LMO1: variants seen among roughly 807,000 people sequenced by gnomAD.
LMO1 encodes rhombotin-1.
LMO1 carries 10 observed loss-of-function variants against 18.0 expected under a neutral mutation model. The observed-to-expected ratio is 0.55, with a 90% CI of 0.34 to 0.94. The LOEUF is 0.94. LMO1 is among the 40% of genes least tolerant of loss of function. LMO1 has a pLI of 0.02. For missense variants in LMO1, 183 were observed against 205.7 expected (o/e 0.89, Z 0.68); for synonymous variants, 77 against 77.9 (o/e 0.99, Z 0.06).
intron 1 of LMO1, among the ~76,000 whole-genome samples, chr11:8,253,059 G>A (rs1160693993): frequency 1.3e-5 from 2 of 152,224 alleles, no homozygotes; most frequent in Non-Finnish European, 2.9e-5. Context: ...CTTCCTCCTA[G>A]AGCACAGGCC....
intron 1 of LMO1, among the ~76,000 whole-genome samples, chr11:8,242,450 A>G (rs539557145): frequency 6.6e-6 from 1 of 152,278 alleles, no homozygotes; most frequent in Admixed American, 6.5e-5. Context: ...CTTCCCTGTC[A>G]GCATAGTCTG....
chr11:8,240,817 G>A (rs413463), intron 1 of LMO1, among the ~76,000 whole-genome samples: 1 of 152,152 alleles, frequency 6.6e-6, no homozygotes, highest in Non-Finnish European at 1.5e-5. Context: ...TCAGATCATA[G>A]AGAGCTTGCA....
intron 1 of LMO1, among the ~76,000 whole-genome samples, chr11:8,240,636 C>T (rs755219414): frequency 5.9e-5 from 9 of 151,896 alleles, no homozygotes; most frequent in African/African-American, 1.7e-4. Context: ...TGCATCCTCA[C>T]GTGGCAGAAG....
intron 1 of LMO1, among the ~76,000 whole-genome samples, chr11:8,255,350 T>C (rs934943149): frequency 7.2e-5 from 11 of 152,020 alleles, no homozygotes; most frequent in African/African-American, 1.9e-4. Context: ...CTACAAAAAA[T>C]ACGAAAATTA....
intron 2 of LMO1, among the ~76,000 whole-genome samples, chr11:8,228,689 G>C (rs941270960): frequency 6.6e-6 from 1 of 151,516 alleles, no homozygotes; most frequent in South Asian, 2.1e-4. Flanking sequence ...ATCCCTAGTA[G>C]CTGGCAGGGC....
upstream of LMO1, chr11:8,268,709 G>A (rs958975545): frequency 1.2e-5 from 3 of 246,692 alleles, no homozygotes; most frequent in Non-Finnish European, 2.3e-5. Flanking sequence ...AGCAGCAGCT[G>A]CCCGGGCCGG....
chr11:8,263,016 T>C (rs1276488995), intron 1 of LMO1, among the ~76,000 whole-genome samples: 5 of 151,902 alleles, frequency 3.3e-5, no homozygotes, highest in African/African-American at 4.8e-5. Flanking sequence ...GGCGCGGAGA[T>C]CGCAAGGGAG....
intron 3 of LMO1, among the ~76,000 whole-genome samples, chr11:8,226,572 T>C (rs1193599315): frequency 6.6e-6 from 1 of 152,176 alleles, no homozygotes; most frequent in African/African-American, 2.4e-5. Flanking sequence ...TGCATGCACG[T>C]TGCACATACA....
chr11:8,231,177 G>A (rs1952650999), intron 1 of LMO1, among the ~76,000 whole-genome samples: 1 of 152,178 alleles, frequency 6.6e-6, no homozygotes, highest in African/African-American at 2.4e-5. Context: ...CTGGGGGAGG[G>A]CAGGCTCTGA....
chr11:8,236,583 G>A (rs1367220414), intron 1 of LMO1, among the ~76,000 whole-genome samples: 2 of 152,104 alleles, frequency 1.3e-5, no homozygotes, highest in African/African-American at 4.8e-5. Flanking sequence ...GGGGGGCTGA[G>A]ACCCAAGCAG....
At chr11:8,241,740 G>C (rs1846796899) in intron 1 of LMO1, among the ~76,000 whole-genome samples, 1 of 150,284 alleles carries the variant, frequency 6.7e-6, no homozygotes, top group African/African-American at 2.5e-5. Flanking sequence ...ATTTCCTTCT[G>C]AGTTTTTCAT....
At chr11:8,225,935 G>C (rs917403518) in intron 3 of LMO1, among the ~76,000 whole-genome samples, 13 of 152,342 alleles carry the variant, frequency 8.5e-5, no homozygotes, top group African/African-American at 3.1e-4. Flanking sequence ...GCCCCAGCCA[G>C]GGCTGAAGGG....
At chr11:8,267,570 T>C (rs1252450220), upstream of LMO1, among the ~76,000 whole-genome samples, 1 of 151,898 alleles carries the variant, frequency 6.6e-6, no homozygotes, top group African/African-American at 2.4e-5. Context: ...GTGGAAAGGG[T>C]AGGAGTTGGA....
At chr11:8,253,856 T>A (rs1409518632) in intron 1 of LMO1, among the ~76,000 whole-genome samples, 1 of 151,834 alleles carries the variant, frequency 6.6e-6, no homozygotes, top group East Asian at 1.9e-4. Flanking sequence ...CCACACAATA[T>A]TAAAATGTCA....
chr11:8,265,982 C>T (rs1190202183), upstream of LMO1, among the ~76,000 whole-genome samples: 1 of 151,312 alleles, frequency 6.6e-6, no homozygotes, highest in African/African-American at 2.4e-5. Flanking sequence ...CAGCTCACCT[C>T]AGCCTCCAAG....
chr11:8,230,125 G>A (rs532111985), intron 2 of LMO1, among the ~76,000 whole-genome samples, 166 bp downstream of exon 2: 46 of 152,322 alleles, frequency 3.0e-4, no homozygotes, highest in African/African-American at 9.9e-4. Flanking sequence ...CCCCTCAGGT[G>A]ACTTCTCAGG....
chr11:8,239,237 G>C (rs1477255642), intron 1 of LMO1, among the ~76,000 whole-genome samples: 1 of 152,188 alleles, frequency 6.6e-6, no homozygotes, highest in Admixed American at 6.5e-5. Context: ...GATGGTGCTG[G>C]GGTGGGGGCT....
intron 1 of LMO1, among the ~76,000 whole-genome samples, chr11:8,262,281 G>A (rs752777011): frequency 6.6e-6 from 1 of 152,180 alleles, no homozygotes; most frequent in African/African-American, 2.4e-5. Flanking sequence ...GAACGCCGGC[G>A]GCAGCGTGGG....
chr11:8,251,421 C>G (rs1846990117), intron 1 of LMO1, among the ~76,000 whole-genome samples: 1 of 152,210 alleles, frequency 6.6e-6, no homozygotes, highest in Admixed American at 6.5e-5. Context: ...CTCAAAAATG[C>G]CGCCTCCACC....
Sources: gnomAD v4.1 joint callset for allele counts (sites outside exome capture counted in the v4.1 genomes callset) on GRCh38, gnomAD v4.1.1 for gene constraint, MANE v1.5 for transcripts, NCBI Gene and HGNC (gene_info 2026-07-23, HGNC 2026-07-21) for gene names.